Variants in RFESD observed in about 807,000 individuals in gnomAD.
RFESD encodes Rieske Fe-S domain containing, also known as Rieske domain-containing protein.
Under a neutral mutation model 24.4 loss-of-function variants are expected in RFESD, and 16 were observed. That is an observed-to-expected ratio of 0.66 (90% confidence interval 0.44 to 1.00). RFESD has a LOEUF of 1.00. Ranked by LOEUF, RFESD falls within the 50% of genes least tolerant of loss-of-function variation. The probability of loss-of-function intolerance (pLI) is 0.00; values close to 1 mark genes in which losing one functional copy is unlikely to be tolerated. For missense variants in RFESD, 208 were observed against 247.0 expected (o/e 0.84, Z 1.06); for synonymous variants, 59 against 81.8 (o/e 0.72, Z 1.50).
At chr5:95,655,685 T>C (rs1750706560) in intron 5 of RFESD, among the ~76,000 whole-genome samples, 1 of 152,230 alleles carries the variant, frequency 6.6e-6, no homozygotes, top group South Asian at 2.1e-4. Flanking sequence ...ATCTGAACCT[T>C]ACAGTTCTTC....
At position 95,657,550 on chromosome 5, in the gene RFESD, A is replaced by T. The variant is rs779051995; in HGVS notation, c.*1241A>T. ...TTTAAAGGAATAGAATTAAGAATCTAAATCTAATACTTAACATTCTAAGGA... is the reference window on the plus strand; with the variant it reads ...TTTAAAGGAATAGAATTAAGAATCTTAATCTAATACTTAACATTCTAAGGA... On this transcript the variant is annotated 3_prime_UTR_variant, in exon 6 of 6. Coordinates refer to ENST00000380005, the MANE Select transcript of RFESD (RefSeq NM_001131066.2). 1.4e-4 allele frequency: 22 copies of T among 152,124 alleles called. No individual in the cohort carries two copies. Among genetic ancestry groups the T allele is most frequent in the Non-Finnish European group, 2.2e-4 (15 of 68,008 alleles). The allele number at this position is 152,124 out of a possible 1,614,324, so 9.4% of individuals were successfully genotyped here.
intron 1 of RFESD, among the ~76,000 whole-genome samples, chr5:95,649,763 G>T (rs1354758495): frequency 1.3e-5 from 2 of 152,038 alleles, no homozygotes; most frequent in Admixed American, 6.6e-5. Context: ...TTCATGTCTT[G>T]CCCATTTTTC....
rs1406668742 is a variant in RFESD, at chr5:95,653,224, T to C, written c.158+10T>C. On this transcript the variant is annotated intron_variant, in intron 3 of 5. Transcript: ENST00000380005. ...CCAGTTTTTATCTGAGGTAAGAAAATGAAAGGTTTTCATTCATACCCACCT... is the reference window on the plus strand; with the variant it reads ...CCAGTTTTTATCTGAGGTAAGAAAACGAAAGGTTTTCATTCATACCCACCT... The C allele has an allele frequency of 7.7e-6, 12 of 1,551,474 alleles. No individual in the cohort carries two copies. In the Admixed American group the frequency reaches 9.8e-5, roughly 13 times the overall value.
chr5:95,651,975 A>C (rs929861565), intron 1 of RFESD, among the ~76,000 whole-genome samples, 162 bp from the exon 2 acceptor site: 1 of 152,152 alleles, frequency 6.6e-6, no homozygotes, highest in Admixed American at 6.5e-5. Flanking sequence ...TTACAAAGAG[A>C]AAAGGGTACA....
In RFESD at chr5:95,646,837, C is replaced by T. The variant is rs1435539649; in HGVS notation, c.-136+20C>T. On this transcript the variant is annotated intron_variant, in intron 1 of 5. Coordinates refer to ENST00000380005, the MANE Select transcript of RFESD (RefSeq NM_001131066.2). ...GGGACAGTAAGTTCTGTTCTCGCCGCGCAGGGGGCGGGCTGGCGGGACCAG... is the reference window on the plus strand; with the variant it reads ...GGGACAGTAAGTTCTGTTCTCGCCGTGCAGGGGGCGGGCTGGCGGGACCAG... 1 of 152,404 alleles carries T rather than the reference C, an allele frequency of 6.6e-6. No homozygotes were observed. The highest frequency in any genetic ancestry group is 2.4e-5 in the African/African-American group (1 of 41,452). The allele number at this position is 152,404 out of a possible 1,614,324, so 9.4% of individuals were successfully genotyped here.
chr5:95,655,567 G>C (rs1750700604), intron 5 of RFESD: 1 of 152,914 alleles, frequency 6.5e-6, no homozygotes, highest in Non-Finnish European at 1.5e-5. Flanking sequence ...AGTTTGAGAA[G>C]CACTTCACCA....
intron 5 of RFESD, chr5:95,655,304 G>T (rs982714987): frequency 2.0e-5 from 3 of 152,160 alleles, no homozygotes; most frequent in Admixed American, 6.5e-5. Flanking sequence ...TTTGGATATA[G>T]AGGGGAAAAT....
chr5:95,656,461 T>G lies in RFESD; in HGVS notation c.*152T>G. 1 of 607,978 alleles carries G rather than the reference T, an allele frequency of 1.6e-6. No homozygotes were observed. The highest frequency in any genetic ancestry group is 2.9e-6 in the Non-Finnish European group (1 of 347,164). The allele number at this position is 607,978 out of a possible 1,614,324, so 37.7% of individuals were successfully genotyped here. On this transcript the variant is annotated 3_prime_UTR_variant, in exon 6 of 6. Coordinates refer to ENST00000380005, the MANE Select transcript of RFESD (RefSeq NM_001131066.2). ...TGAGAGGTTTAAGAGCACACATACT[T>G]AGTATGATGTAAGGATTATCATCAG...
intron 5 of RFESD, among the ~76,000 whole-genome samples, chr5:95,654,738 T>C (rs1030738666): frequency 6.6e-6 from 1 of 152,154 alleles, no homozygotes; most frequent in African/African-American, 2.4e-5. Context: ...GGCAGATCTA[T>C]ATGGGTATGG....
chr5:95,654,007 T>G, intron 3 of RFESD, 54 bp from the exon 4 acceptor site: 2 of 1,510,734 alleles, frequency 1.3e-6, no homozygotes, highest in Non-Finnish European at 1.8e-6. Context: ...TCCATTAAGC[T>G]GGAACCAAAT....
intron 3 of RFESD, 87 bp from the exon 4 acceptor site, chr5:95,653,974 A>G: frequency 9.4e-7 from 1 of 1,058,378 alleles, no homozygotes; most frequent in Non-Finnish European, 1.4e-6. Context: ...GAAAAGTCCG[A>G]ACTATTCATT....
chr5:95,652,895 C>T, intron 2 of RFESD: 1 of 557,788 alleles, frequency 1.8e-6, no homozygotes, highest in Non-Finnish European at 3.0e-6. Context: ...AATCCATTCT[C>T]CACAGAGCCG....
chr5:95,655,014 C>G (rs1041159052), intron 5 of RFESD, among the ~76,000 whole-genome samples: 8 of 152,194 alleles, frequency 5.3e-5, no homozygotes, highest in African/African-American at 1.7e-4. Context: ...GATTCCAAAA[C>G]TAGTCACCTA....
chr5:95,654,353 T>C lies in RFESD; in HGVS notation c.355T>C (p.Leu119=), dbSNP rs755159232. 2 of 1,605,162 alleles carry C rather than the reference T, an allele frequency of 1.2e-6. No individual in the cohort carries two copies. The highest frequency in any genetic ancestry group is 2.7e-5 in the African/African-American group (2 of 74,620). The change falls in exon 5 of 6, where the codon TTG becomes CTG. Residue 119 remains leucine (L), a synonymous_variant. Coordinates refer to ENST00000380005, the MANE Select transcript of RFESD (RefSeq NM_001131066.2). ...RCYHSGGPLH[L]GDIEDFDGRP... is the part of the protein sequence containing the mutation. ...TTCAGACTCAGGAGGACCTTTACAT[T>C]TGGGAGATATAGAGGTATGTAAAAT...
Position 95,654,134 on chromosome 5 carries a change from G to A in RFESD, c.232G>A (p.Asp78Asn). 2 of 1,612,116 alleles carry A rather than the reference G, an allele frequency of 1.2e-6. No individual in the cohort carries two copies. Among genetic ancestry groups the A allele is most frequent in the Non-Finnish European group, 1.7e-6 (2 of 1,179,604 alleles). ...TTCTGTGTGTGTGGGCAGAGAAGAT[G>A]ACATTAAAAAATCTGAAAGAATGAC... ...YSSVCVGRED[D>N]IKKSERMTAV... The change falls in exon 4 of 6, where the codon GAC becomes AAC. Residue 78 changes from aspartate to asparagine, a missense_variant. Asp to Asn is a conservative substitution (Grantham distance 23). Coordinates refer to ENST00000380005, the MANE Select transcript of RFESD (RefSeq NM_001131066.2).
At position 95,652,257 on chromosome 5, in the gene RFESD, C is replaced by T. The variant is rs1237845844; in HGVS notation, c.-15C>T. 2 of 1,548,326 alleles carry T rather than the reference C, an allele frequency of 1.3e-6. No homozygotes were observed. Among genetic ancestry groups the T allele is most frequent in the South Asian group, 2.4e-5 (2 of 83,362 alleles). On this transcript the variant is annotated 5_prime_UTR_variant, in exon 2 of 6. Coordinates refer to ENST00000380005, the MANE Select transcript of RFESD (RefSeq NM_001131066.2). ...ATCTTGCCTCTCTACAACCTCTCTT[C>T]CACCTGACCTCTAAATGTTGAAGTG... is the stretch of plus-strand genomic sequence containing the variant.
intron 3 of RFESD, among the ~76,000 whole-genome samples, chr5:95,653,830 G>A (rs559271581): frequency 3.3e-5 from 5 of 152,222 alleles, no homozygotes; most frequent in African/African-American, 9.6e-5. Context: ...CCTGGGAGGC[G>A]GAGGTTGCAG....
chr5:95,650,407 C>T (rs1483845315), intron 1 of RFESD, among the ~76,000 whole-genome samples: 1 of 152,156 alleles, frequency 6.6e-6, no homozygotes, highest in African/African-American at 2.4e-5. Context: ...ATCTCTCTAC[C>T]TACACCTCAA....
chr5:95,654,826 A>G (rs1750633025), intron 5 of RFESD, among the ~76,000 whole-genome samples: 1 of 152,118 alleles, frequency 6.6e-6, no homozygotes, highest in African/African-American at 2.4e-5. Flanking sequence ...CTCTTTTTTC[A>G]TCAAAAAGAA....
Sources: allele counts gnomAD v4.1 joint callset (sites outside exome capture counted in the v4.1 genomes callset), GRCh38; gene constraint gnomAD v4.1.1; transcripts MANE v1.5; gene names NCBI Gene and HGNC (gene_info 2026-07-23, HGNC 2026-07-21).